MBNL1: variants seen among roughly 807,000 people sequenced by gnomAD.
The protein encoded by MBNL1 is muscleblind like splicing regulator 1.
MBNL1 carries 8 observed loss-of-function variants against 42.2 expected under a neutral mutation model. The observed-to-expected ratio is 0.19, with a 90% CI of 0.11 to 0.34. The LOEUF (loss-of-function observed/expected upper bound fraction) is 0.34, where lower values mean the gene tolerates loss of function less well. MBNL1 is among the 10% of genes least tolerant of loss of function. The pLI, the probability that MBNL1 is intolerant of heterozygous loss-of-function variation, is 1.00. For synonymous variants in MBNL1, 169 were observed against 173.9 expected (o/e 0.97, Z 0.22); for missense variants, 309 against 495.3 (o/e 0.62, Z 3.57).
At chr3:152,435,785 AT>A (rs557289808) in intron 4 of MBNL1, among the ~76,000 whole-genome samples, 250 of 152,056 alleles carry the variant, frequency 1.6e-3, no homozygotes, top group African/African-American at 5.7e-3. Flanking sequence ...ATTCCTAAGT[AT>A]TTTATTCTTT....
chr3:152,339,039 T>G (rs1323867474), intron 2 of MBNL1, among the ~76,000 whole-genome samples: 1 of 152,224 alleles, frequency 6.6e-6, no homozygotes, highest in Non-Finnish European at 1.5e-5. Flanking sequence ...ACCGATGTTT[T>G]ATTTGCCTCT....
At chr3:152,279,913 A>T (rs377156786) in intron 1 of MBNL1, among the ~76,000 whole-genome samples, 34 of 152,310 alleles carry the variant, frequency 2.2e-4, no homozygotes, top group African/African-American at 7.7e-4. Context: ...TGACTTTAAA[A>T]GATAAGCTGT....
intron 2 of MBNL1, among the ~76,000 whole-genome samples, chr3:152,338,836 T>A (rs945712908): frequency 6.6e-6 from 1 of 152,184 alleles, no homozygotes; most frequent in African/African-American, 2.4e-5. Context: ...AAAACTCTTA[T>A]AGGAATTTTG....
intron 3 of MBNL1, among the ~76,000 whole-genome samples, chr3:152,424,405 T>G (rs1414006170): frequency 6.6e-6 from 1 of 152,104 alleles, no homozygotes; most frequent in Non-Finnish European, 1.5e-5. Context: ...AACAAACCAC[T>G]GCTCAAGGAA....
intron 5 of MBNL1, among the ~76,000 whole-genome samples, chr3:152,446,333 AAC>A (rs1428812922): frequency 3.9e-5 from 6 of 152,178 alleles, no homozygotes; most frequent in South Asian, 4.1e-4. Flanking sequence ...AGTATTTCAT[AAC>A]ACAGTGAAAT....
chr3:152,402,360 G>C (rs1017013852), intron 2 of MBNL1, among the ~76,000 whole-genome samples: 2 of 152,126 alleles, frequency 1.3e-5, no homozygotes, highest in Non-Finnish European at 2.9e-5. Context: ...CATAGAAGAG[G>C]AGGTTACAAT....
intron 2 of MBNL1, among the ~76,000 whole-genome samples, chr3:152,327,089 G>A (rs1345108230): frequency 2.0e-5 from 3 of 151,426 alleles, no homozygotes; most frequent in African/African-American, 4.9e-5. Flanking sequence ...GATTACAGGC[G>A]TGAGCCACTG....
chr3:152,374,929 C>T (rs767593623), intron 2 of MBNL1, among the ~76,000 whole-genome samples: 4 of 152,166 alleles, frequency 2.6e-5, no homozygotes, highest in Non-Finnish European at 5.9e-5. Flanking sequence ...CTGTTATTTT[C>T]ATATTTTATT....
At chr3:152,359,571 C>G (rs187445319) in intron 2 of MBNL1, among the ~76,000 whole-genome samples, 90 of 152,272 alleles carry the variant, frequency 5.9e-4, no homozygotes, top group Admixed American at 1.2e-3. Context: ...AAGAGATGCT[C>G]CCAATCAGCT....
chr3:152,461,111 G>A (rs1207773878), intron 9 of MBNL1, among the ~76,000 whole-genome samples: 4 of 152,112 alleles, frequency 2.6e-5, no homozygotes, highest in Non-Finnish European at 4.4e-5. Context: ...GTCAGGAAAC[G>A]ATGATGGCTG....
At chr3:152,356,727 C>T (rs1246879426) in intron 2 of MBNL1, among the ~76,000 whole-genome samples, 1 of 152,120 alleles carries the variant, frequency 6.6e-6, no homozygotes, top group Non-Finnish European at 1.5e-5. Flanking sequence ...AGTGAGACCT[C>T]GGCCTCCCAA....
chr3:152,258,938 A>G lies in MBNL1; in HGVS notation n.333+14498A>G, dbSNP rs901820402. On this transcript the variant is annotated intron_variant and non_coding_transcript_variant, in intron 2 of 2. Transcript: ENST00000477171. ...CTAGTGTCCACGTGGGCTTCTTGGT[A>G]TTTAGGGACCTTGGCAAATTATTTA... is the stretch of plus-strand genomic sequence containing the variant. Among the ~76,000 whole-genome samples the G allele has an allele frequency of 1.2e-4, 19 of 152,308 alleles. No homozygotes were observed. In the South Asian group the frequency reaches 1.9e-3, roughly 15 times the overall value.
rs1410986703 is a variant in MBNL1, at chr3:152,340,912, T to G, written c.174+40545T>G. The G allele has an allele frequency of 5.6e-6, 9 of 1,594,674 alleles. No homozygotes were observed. In the African/African-American group the frequency reaches 1.1e-4, roughly 19 times the overall value. ...GCCAGGGTCCATCTGCATTGTTCTC[T>G]TCTAATTCTCTCCAGACAGGAGACT... On this transcript the variant is annotated intron_variant, in intron 2 of 9. Coordinates refer to ENST00000324210, the MANE Select transcript of MBNL1 (RefSeq NM_021038.5).
Position 152,431,019 on chromosome 3 carries a change from A to G in MBNL1, c.346-1698A>G, listed in dbSNP as rs149338205. On this transcript the variant is annotated intron_variant, in intron 3 of 9. Coordinates refer to ENST00000324210, the MANE Select transcript of MBNL1 (RefSeq NM_021038.5). ...CAATGAATCACATTAGGTATTACATATTCTGTTTTTTCATATTTTTGTTAG... is the reference window on the plus strand; with the variant it reads ...CAATGAATCACATTAGGTATTACATGTTCTGTTTTTTCATATTTTTGTTAG... 2.6e-4 allele frequency among the ~76,000 whole-genome samples: 39 copies of G among 152,362 alleles called. 1 individual carries two copies. The highest frequency in any genetic ancestry group is 9.1e-4 in the African/African-American group (38 of 41,594).
At chr3:152,432,419 T>C (rs1011173564) in intron 3 of MBNL1, among the ~76,000 whole-genome samples, 1 of 152,146 alleles carries the variant, frequency 6.6e-6, no homozygotes, top group African/African-American at 2.4e-5. Context: ...AGTTTCTGCA[T>C]AGTTTATCTA....
At chr3:152,279,756 G>GTA (rs2047336725) in intron 1 of MBNL1, among the ~76,000 whole-genome samples, 1 of 152,130 alleles carries the variant, frequency 6.6e-6, no homozygotes, top group Admixed American at 6.6e-5. Flanking sequence ...CTCACCAATA[G>GTA]TATGAGGCTA....
At chr3:152,403,893 G>T (rs1004674522) in intron 2 of MBNL1, among the ~76,000 whole-genome samples, 3 of 152,166 alleles carry the variant, frequency 2.0e-5, no homozygotes, top group Non-Finnish European at 4.4e-5. Context: ...GGTGGGGCAG[G>T]GAGGGGAGTG....
chr3:152,355,886 G>A (rs1578555652), intron 2 of MBNL1, among the ~76,000 whole-genome samples: 1 of 152,122 alleles, frequency 6.6e-6, no homozygotes, highest in South Asian at 2.1e-4. Flanking sequence ...CATAGCATGC[G>A]GAAGCAGCAC....
intron 2 of MBNL1, among the ~76,000 whole-genome samples, chr3:152,360,010 C>T (rs1024702886): frequency 6.6e-6 from 1 of 152,168 alleles, no homozygotes; most frequent in Non-Finnish European, 1.5e-5. Context: ...TCAGCTTTGC[C>T]CAGGATACCT....
Sources: gnomAD v4.1 joint callset for allele counts (sites outside exome capture counted in the v4.1 genomes callset) on GRCh38, gnomAD v4.1.1 for gene constraint, MANE v1.5 for transcripts, NCBI Gene and HGNC (gene_info 2026-07-23, HGNC 2026-07-21) for gene names.